The following CFAP54 variants were observed in gnomAD, a reference collection of about 807,000 sequenced individuals.
The protein encoded by CFAP54 is cilia- and flagella-associated protein 54.
CFAP54 carries 290 observed loss-of-function variants against 370.4 expected under a neutral mutation model. The observed-to-expected ratio is 0.78, with a 90% CI of 0.71 to 0.86. The LOEUF is 0.86. CFAP54 is among the 40% of genes least tolerant of loss of function. The pLI, the probability that CFAP54 is intolerant of heterozygous loss-of-function variation, is 0.00. For missense variants in CFAP54, 3,399 were observed against 3,528.7 expected (o/e 0.96, Z 0.93); for synonymous variants, 1,206 against 1,236.5 (o/e 0.98, Z 0.52).
chr12:96,842,257 A>C (rs951090462), intron 66 of CFAP54, among the ~76,000 whole-genome samples: 2 of 152,198 alleles, frequency 1.3e-5, no homozygotes, highest in African/African-American at 4.8e-5. Flanking sequence ...GTAGAGATTC[A>C]CATGCAGTCA....
intron 66 of CFAP54, among the ~76,000 whole-genome samples, chr12:96,837,339 A>G (rs959474164): frequency 3.3e-5 from 5 of 152,148 alleles, no homozygotes; most frequent in African/African-American, 4.8e-5. Context: ...TTGCTCTGCA[A>G]TGCTAGCATC....
intron 66 of CFAP54, among the ~76,000 whole-genome samples, chr12:96,855,786 G>C (rs1959687348): frequency 6.6e-6 from 1 of 152,138 alleles, no homozygotes; most frequent in Non-Finnish European, 1.5e-5. Context: ...AGCCGTCAGT[G>C]GATCTACCCT....
intron 40 of CFAP54, among the ~76,000 whole-genome samples, chr12:96,680,881 A>G (rs1458915108): frequency 6.6e-6 from 1 of 152,070 alleles, no homozygotes; most frequent in African/African-American, 2.4e-5. Context: ...GTTAGGAGTT[A>G]GAGACCAGCC....
At chr12:96,500,580 A>G (rs1476466387) in intron 1 of CFAP54, among the ~76,000 whole-genome samples, 1 of 152,166 alleles carries the variant, frequency 6.6e-6, no homozygotes, top group Non-Finnish European at 1.5e-5. Context: ...CTTCTGCTCA[A>G]TTCTGTTGTG....
At chr12:96,870,911 G>C (rs1418926153) in intron 67 of CFAP54, among the ~76,000 whole-genome samples, 1 of 152,180 alleles carries the variant, frequency 6.6e-6, no homozygotes, top group Non-Finnish European at 1.5e-5. Context: ...AACTAGGTGA[G>C]GTCCACATTT....
intron 26 of CFAP54, among the ~76,000 whole-genome samples, chr12:96,602,919 G>A (rs773323204): frequency 8.5e-5 from 13 of 152,142 alleles, no homozygotes; most frequent in Non-Finnish European, 1.9e-4. Flanking sequence ...CAATTTGCCA[G>A]TCTGTGTCTT....
intron 9 of CFAP54, among the ~76,000 whole-genome samples, chr12:96,531,059 G>C (rs1344784614): frequency 6.6e-6 from 1 of 152,010 alleles, no homozygotes; most frequent in African/African-American, 2.4e-5. Context: ...TTTATGTTCT[G>C]AATACAAGTC....
Position 96,580,652 on chromosome 12 carries a change from G to A in CFAP54, c.2852G>A (p.Arg951Gln), listed in dbSNP as rs866606215. Residue 951 changes from arginine to glutamine, a missense_variant, in exon 21 of 68, where the codon CGG (arginine) becomes CAG (glutamine). This residue lies in a region of CFAP54 where 2,796 missense variants were observed against 2,869.7 expected (regional missense o/e 0.97). Coordinates refer to ENST00000524981, the MANE Select transcript of CFAP54 (RefSeq NM_001306084.2). ...CKAEGSYGKV[R>Q]LNNNHLPNSG... ...GCAGAAGGAAGTTATGGAAAAGTACGGCTAAACAATAATCATCTCCCAAAT... is the reference window on the plus strand; with the variant it reads ...GCAGAAGGAAGTTATGGAAAAGTACAGCTAAACAATAATCATCTCCCAAAT... 21 of 1,527,418 alleles carry A rather than the reference G, an allele frequency of 1.4e-5. No homozygotes were observed. In the Middle Eastern group the frequency reaches 1.0e-3, roughly 73 times the overall value. The allele number at this position is 1,527,418 out of a possible 1,614,324, so 94.6% of individuals were successfully genotyped here.
chr12:96,726,106 A>G (rs539654770), intron 50 of CFAP54, among the ~76,000 whole-genome samples: 16 of 150,174 alleles, frequency 1.1e-4, no homozygotes, highest in East Asian at 9.7e-4. Flanking sequence ...TTTTGCATCA[A>G]TGTTCATCAG....
intron 32 of CFAP54, among the ~76,000 whole-genome samples, chr12:96,639,396 G>C (rs1956699493): frequency 6.6e-6 from 1 of 152,168 alleles, no homozygotes; most frequent in African/African-American, 2.4e-5. Flanking sequence ...TTGAATCTCT[G>C]AATAGACGAA....
intron 15 of CFAP54, among the ~76,000 whole-genome samples, chr12:96,549,212 C>T (rs577167763): frequency 1.4e-4 from 22 of 152,216 alleles, no homozygotes; most frequent in African/African-American, 4.6e-4. Context: ...TGGGCTAGCA[C>T]TTATTCTCTG....
chr12:96,532,451 A>T (rs1273012106), intron 9 of CFAP54, among the ~76,000 whole-genome samples: 1 of 152,122 alleles, frequency 6.6e-6, no homozygotes. Flanking sequence ...TCCTAAGAAA[A>T]ATACAAGTTT....
chr12:96,776,915 T>G (rs1055042436), intron 60 of CFAP54, among the ~76,000 whole-genome samples: 1 of 152,236 alleles, frequency 6.6e-6, no homozygotes, highest in Middle Eastern at 3.2e-3. Context: ...CCACAATTCC[T>G]ATCAGAAAAT....
At chr12:96,563,958 G>T (rs984608270) in intron 17 of CFAP54, among the ~76,000 whole-genome samples, 9 of 152,150 alleles carry the variant, frequency 5.9e-5, no homozygotes, top group South Asian at 2.1e-4. Context: ...TCAACAACTG[G>T]CAAGTTCATG....
intron 20 of CFAP54, among the ~76,000 whole-genome samples, chr12:96,578,631 T>C (rs1956003408): frequency 6.6e-6 from 1 of 152,228 alleles, no homozygotes; most frequent in South Asian, 2.1e-4. Flanking sequence ...TTAGGACTCA[T>C]CAATGAGGAC....
chr12:96,839,072 C>T (rs1959196021), intron 66 of CFAP54, among the ~76,000 whole-genome samples: 1 of 152,156 alleles, frequency 6.6e-6, no homozygotes, highest in South Asian at 2.1e-4. Flanking sequence ...AGAGTTAGAA[C>T]CCGGATTTGT....
chr12:96,728,442 G>A (rs1289049513), intron 50 of CFAP54, among the ~76,000 whole-genome samples: 1 of 152,038 alleles, frequency 6.6e-6, no homozygotes, highest in Non-Finnish European at 1.5e-5. Context: ...TTCCATCACT[G>A]ATACCCTTTC....
intron 62 of CFAP54, among the ~76,000 whole-genome samples, chr12:96,791,593 T>C (rs1054058664): frequency 6.6e-6 from 1 of 152,182 alleles, no homozygotes; most frequent in Admixed American, 6.5e-5. Flanking sequence ...TTTTAGACTT[T>C]GGAGCAAAAT....
In CFAP54 at chr12:96,609,932, CTTA is replaced by C. The variant is rs563143192; in HGVS notation, c.3639+11168_3639+11170del. The stretch of plus-strand genomic sequence containing the variant: ...CACACCAAGTTCCTGAACAGGTAGA[CTTA>C]TTGTCACAGAAGTGCAGATCCTTCC... On this transcript the variant is annotated intron_variant, in intron 26 of 67. Coordinates refer to ENST00000524981, the MANE Select transcript of CFAP54 (RefSeq NM_001306084.2). 1.2e-3 allele frequency among the ~76,000 whole-genome samples: 183 copies of C among 152,302 alleles called. 1 individual carries two copies. The highest frequency in any genetic ancestry group is 1.9e-3 in the Non-Finnish European group (127 of 68,018).
Sources: gnomAD v4.1 joint callset for allele counts (sites outside exome capture counted in the v4.1 genomes callset) on GRCh38, gnomAD v4.1.1 for gene constraint, gnomAD v4.1.1 regional missense constraint, MANE v1.5 for transcripts, NCBI Gene and HGNC (gene_info 2026-07-23, HGNC 2026-07-21) for gene names.